The following SART3 variants were observed in gnomAD, a reference collection of about 807,000 sequenced individuals.
SART3 encodes HIV-1 Tat-interacting protein of 110kDa.
SART3 carries 44 observed loss-of-function variants against 122.3 expected under a neutral mutation model. The observed-to-expected ratio is 0.36, with a 90% CI of 0.28 to 0.46. The LOEUF is 0.46. Among genes scored for constraint, SART3 ranks in the 20% least tolerant of loss-of-function variants. The pLI is 1.00. For missense variants in SART3, 1,101 were observed against 1,229.0 expected (o/e 0.90, Z 1.56); for synonymous variants, 442 against 454.0 (o/e 0.97, Z 0.34).
rs759454532 is a variant in SART3 at position 108,561,061 on chromosome 12, C to A, written c.94G>T (p.Ala32Ser). The change falls in exon 1 of 19, where the codon GCT becomes TCT. Residue 32 changes from alanine (A) to serine (S), a missense_variant. Around this residue, in one of 2 missense-constraint regions of SART3, gnomAD observed 216 missense variants for 148.9 expected, o/e 1.45. Coordinates refer to ENST00000546815, the MANE Select transcript of SART3 (RefSeq NM_014706.4). ...GATAACACCTTCCTCCTTGTCCTAG[C>A]CGCCTTAACCTCATCCTCCTCTCCG... ...ADGEEDEVKA[A>S]RTRRKVLSRA... is the part of the protein sequence containing the mutation. 1 of 1,614,178 alleles carries A rather than the reference C, an allele frequency of 6.2e-7. No homozygotes were observed. The highest frequency in any genetic ancestry group is 8.5e-7 in the Non-Finnish European group (1 of 1,180,008).
chr12:108,523,064 G>T lies in SART3; in HGVS notation c.*393C>A. On this transcript the variant is annotated 3_prime_UTR_variant, in exon 19 of 19. Coordinates refer to ENST00000546815, the MANE Select transcript of SART3 (RefSeq NM_014706.4). ...TTTCATCTTTTAAAATTAAAAGAAT[G>T]ACGGGCACATGTGCTGTGCAGGGTG... The T allele has an allele frequency of 4.7e-6, 1 of 214,732 alleles. No homozygotes were observed. Among genetic ancestry groups the T allele is most frequent in the Non-Finnish European group, 9.4e-6 (1 of 106,806 alleles). 13.3% of individuals were successfully genotyped at this position (214,732 alleles called of 1,614,324 possible).
At chr12:108,545,012 G>T in intron 4 of SART3, 127 bp downstream of exon 4, 1 of 987,846 alleles carries the variant, frequency 1.0e-6, no homozygotes, top group Non-Finnish European at 1.6e-6. Flanking sequence ...CTAAGGGATT[G>T]GCAAAGACCA....
At chr12:108,536,929 C>A in intron 9 of SART3, 144 bp from the exon 10 acceptor site, 1 of 750,570 alleles carries the variant, frequency 1.3e-6, no homozygotes, top group Non-Finnish European at 2.3e-6. Context: ...CCAATTCCTG[C>A]CCTCATCACA....
chr12:108,542,242 A>G (rs907657151), intron 6 of SART3, among the ~76,000 whole-genome samples: 2 of 152,146 alleles, frequency 1.3e-5, no homozygotes, highest in African/African-American at 4.8e-5. Flanking sequence ...TTAAAACTAC[A>G]ATTTCAAATT....
intron 1 of SART3, among the ~76,000 whole-genome samples, chr12:108,556,915 T>C (rs918019880): frequency 1.4e-4 from 22 of 152,220 alleles, no homozygotes; most frequent in African/African-American, 5.3e-4. Flanking sequence ...CGAATATCTA[T>C]GCATGCAAGT....
Position 108,539,053 on chromosome 12 carries a change from C to T in SART3, c.943G>A (p.Ala315Thr). 1 of 1,614,190 alleles carries T rather than the reference C, an allele frequency of 6.2e-7. No homozygotes were observed. Among genetic ancestry groups the T allele is most frequent in the Non-Finnish European group, 8.5e-7 (1 of 1,180,032 alleles). Residue 315 changes from alanine to threonine, a missense_variant, in exon 7 of 19, where the codon GCA (alanine) becomes ACA (threonine). By Grantham distance (58) the Ala-to-Thr change is moderately conservative (BLOSUM62 0). Coordinates refer to ENST00000546815, the MANE Select transcript of SART3 (RefSeq NM_014706.4). Reference sequence around the variant, plus strand: ...ATTTTCATCTCAAAATCGATATATGCTTGATATTCTGCCAGCCTTGGTGCC... The same window carrying T: ...ATTTTCATCTCAAAATCGATATATGTTTGATATTCTGCCAGCCTTGGTGCC... ...AEAPRLAEYQAYIDFEMKIGD... is the reference protein window; with the variant it reads ...AEAPRLAEYQTYIDFEMKIGD...
At chr12:108,528,509 C>T (rs1158247020) in intron 15 of SART3, among the ~76,000 whole-genome samples, 1 of 141,702 alleles carries the variant, frequency 7.1e-6, no homozygotes, top group African/African-American at 2.6e-5. Flanking sequence ...AAAAGTAGGG[C>T]CAAGCCTGGC....
intron 1 of SART3, among the ~76,000 whole-genome samples, chr12:108,554,707 AT>A (rs2030145910): frequency 6.7e-6 from 1 of 149,336 alleles, no homozygotes; most frequent in South Asian, 2.1e-4. Context: ...TTAATAATAC[AT>A]TAAAATTCCT....
chr12:108,557,709 T>C (rs2030290130), intron 1 of SART3, among the ~76,000 whole-genome samples: 1 of 152,242 alleles, frequency 6.6e-6, no homozygotes, highest in African/African-American at 2.4e-5. Context: ...AATGGAAGGC[T>C]TGGGTTCAGG....
chr12:108,528,289 C>G (rs1872488641), intron 15 of SART3, among the ~76,000 whole-genome samples: 1 of 151,908 alleles, frequency 6.6e-6, no homozygotes, highest in African/African-American at 2.4e-5. Context: ...TCAAGACCAG[C>G]CTGGCTAACA....
At chr12:108,529,525 G>A (rs780344099) in intron 15 of SART3, among the ~76,000 whole-genome samples, 1 of 152,184 alleles carries the variant, frequency 6.6e-6, no homozygotes, top group Non-Finnish European at 1.5e-5. Flanking sequence ...AGGTCAAAGG[G>A]ACATAGAAGC....
chr12:108,560,089 G>C (rs2030428310), intron 1 of SART3: 1 of 152,194 alleles, frequency 6.6e-6, no homozygotes, highest in Non-Finnish European at 1.5e-5. Flanking sequence ...GTTTCTCTCA[G>C]ATCATCCTAA....
At chr12:108,538,832 A>C in intron 7 of SART3, 102 bp downstream of exon 7, 3 of 1,412,472 alleles carry the variant, frequency 2.1e-6, no homozygotes, top group Admixed American at 1.8e-5. Flanking sequence ...ATGGAGGAAA[A>C]GCAAGAGTAG....
Position 108,532,244 on chromosome 12 carries a change from T to C in SART3, c.1647A>G (p.Leu549=). The C allele has an allele frequency of 6.2e-7, 1 of 1,614,014 alleles. No homozygotes were observed. The highest frequency in any genetic ancestry group is 1.1e-5 in the South Asian group (1 of 91,076). The change falls in exon 13 of 19, where the codon TTA becomes TTG. Residue 549 remains leucine, a synonymous_variant. Coordinates refer to ENST00000546815, the MANE Select transcript of SART3 (RefSeq NM_014706.4). ...CACCTTCTGTCCTCTCCATGGTGAG[T>C]AACACTTCGCAGACGTGCTCTGGGT... ...SDYPEHVCEV[L]LTMERTEGSL...
rs147125282 is a variant in SART3 at position 108,547,948 on chromosome 12, C to T, written c.483G>A (p.Gln161=). ...EWLHDEISMA[Q]DGLDREHVYD... ...ACACGTGCTCTCTGTCCAGGCCATC[C>T]TGGGCCATGCTGATCTCGTCATGCA... Residue 161 remains glutamine, a synonymous_variant, in exon 3 of 19, where the codon CAG becomes CAA. Coordinates refer to ENST00000546815, the MANE Select transcript of SART3 (RefSeq NM_014706.4). The T allele has an allele frequency of 6.2e-7, 1 of 1,613,634 alleles. No individual in the cohort carries two copies. Among genetic ancestry groups the T allele is most frequent in the Non-Finnish European group, 8.5e-7 (1 of 1,180,018 alleles).
chr12:108,551,473 A>G lies in SART3; in HGVS notation c.313-2259T>C, dbSNP rs527246614. 2.5e-4 allele frequency among the ~76,000 whole-genome samples: 38 copies of G among 152,342 alleles called. No individual in the cohort carries two copies. In the East Asian group the frequency reaches 6.9e-3, roughly 28 times the overall value. On this transcript the variant is annotated intron_variant, in intron 1 of 18. Coordinates refer to ENST00000546815, the MANE Select transcript of SART3 (RefSeq NM_014706.4). Reference sequence around the variant, plus strand: ...TTGAACCTGGTCAAAAAGAAGATGAATAAAAGAAAAAGAAAATTAGACAAA... The same window carrying G: ...TTGAACCTGGTCAAAAAGAAGATGAGTAAAAGAAAAAGAAAATTAGACAAA...
chr12:108,523,508 C>A lies in SART3; in HGVS notation c.2841G>T (p.Glu947Asp), dbSNP rs1872225365. 1 of 1,613,454 alleles carries A rather than the reference C, an allele frequency of 6.2e-7. No homozygotes were observed. Among genetic ancestry groups the A allele is most frequent in the Non-Finnish European group, 8.5e-7 (1 of 1,180,032 alleles). The change falls in exon 19 of 19, where the codon GAG becomes GAT. Residue 947 changes from glutamate (E) to aspartate (D), a missense_variant. By Grantham distance (45) the Glu-to-Asp change is conservative. Transcript: ENST00000546815. ...AATCGGCATTGGACATCTTGGGTGC[C>A]TCGGTGGCTGCTGGGGCGGCAACTG... Reference protein sequence around the residue: ...APAVAAPAATEAPKMSNADFA... With the variant: ...APAVAAPAATDAPKMSNADFA...
chr12:108,548,105 G>T, intron 2 of SART3, 114 bp from the exon 3 acceptor site: 1 of 901,508 alleles, frequency 1.1e-6, no homozygotes, highest in Non-Finnish European at 1.8e-6. Context: ...ACCTGGCGTT[G>T]TTTCCAGAAA....
chr12:108,558,655 G>A (rs1339706690), intron 1 of SART3, among the ~76,000 whole-genome samples: 1 of 152,124 alleles, frequency 6.6e-6, no homozygotes, highest in African/African-American at 2.4e-5. Flanking sequence ...CATCAACAAG[G>A]GCAGGGACAC....
Sources: gnomAD v4.1 joint callset for allele counts (sites outside exome capture counted in the v4.1 genomes callset) on GRCh38, gnomAD v4.1.1 for gene constraint, gnomAD v4.1.1 regional missense constraint, MANE v1.5 for transcripts, NCBI Gene and HGNC (gene_info 2026-07-23, HGNC 2026-07-21) for gene names.